SEMA7A: variants seen among roughly 807,000 people sequenced by gnomAD.
The protein encoded by SEMA7A is semaphorin-7A.
In SEMA7A, 21 loss-of-function variants were observed where a neutral mutation model predicts 67.5. The observed-to-expected ratio is 0.31, with a 90% CI of 0.22 to 0.45. The LOEUF (loss-of-function observed/expected upper bound fraction) is 0.45. Among genes scored for constraint, SEMA7A ranks in the 20% least tolerant of loss-of-function variants. The pLI is 1.00. For synonymous variants in SEMA7A, 364 were observed against 368.5 expected (o/e 0.99, Z 0.14); for missense variants, 774 against 908.6 (o/e 0.85, Z 1.90).
intron 10 of SEMA7A, among the ~76,000 whole-genome samples, chr15:74,412,444 G>C (rs902665585): frequency 6.6e-6 from 1 of 152,200 alleles, no homozygotes; most frequent in African/African-American, 2.4e-5. Context: ...TCACACAGCT[G>C]GTGAGCAGCA....
intron 1 of SEMA7A, 56 bp downstream of exon 1, chr15:74,433,683 GCA>G: frequency 8.8e-6 from 12 of 1,370,178 alleles, no homozygotes; most frequent in Non-Finnish European, 1.1e-5. Flanking sequence ...AGCACACTCC[GCA>G]CCCGCCCCGC....
chr15:74,421,978 C>T (rs1259507190), intron 1 of SEMA7A, among the ~76,000 whole-genome samples: 1 of 152,144 alleles, frequency 6.6e-6, no homozygotes, highest in Non-Finnish European at 1.5e-5. Flanking sequence ...GCTGGATGGG[C>T]CCTGAACAGG....
Position 74,433,827 on chromosome 15 carries a change from A to T in SEMA7A, c.92T>A (p.Leu31Gln). The T allele has an allele frequency of 7.3e-7, 1 of 1,362,570 alleles. No homozygotes were observed. Among genetic ancestry groups the T allele is most frequent in the Non-Finnish European group, 9.4e-7 (1 of 1,062,388 alleles). The allele number at this position is 1,362,570 out of a possible 1,614,324, so 84.4% of individuals were successfully genotyped here. Residue 31 changes from leucine to glutamine, a missense_variant, in exon 1 of 14, where the codon CTG (leucine) becomes CAG (glutamine). Coordinates refer to ENST00000261918, the MANE Select transcript of SEMA7A (RefSeq NM_003612.5). Reference sequence around the variant, plus strand: ...CGCCCAGAGCAGCAGCAGCAGCCGCAGCCGCAGCGGAAGCCCCAACCGAGC... The same window carrying T: ...CGCCCAGAGCAGCAGCAGCAGCCGCTGCCGCAGCGGAAGCCCCAACCGAGC... ...PPARLGLPLRLRLLLLLWAAA... is the reference protein window; with the variant it reads ...PPARLGLPLRQRLLLLLWAAA...
At chr15:74,417,773 C>T in intron 4 of SEMA7A, 98 bp from the exon 5 acceptor site, 1 of 1,545,878 alleles carries the variant, frequency 6.5e-7, no homozygotes, top group Non-Finnish European at 8.9e-7. Flanking sequence ...CCTCCCAGGG[C>T]AAGGCCAGCA....
intron 1 of SEMA7A, among the ~76,000 whole-genome samples, chr15:74,419,182 C>T (rs1456648496): frequency 2.6e-5 from 4 of 152,188 alleles, no homozygotes; most frequent in African/African-American, 9.7e-5. Context: ...ACAGCACGGC[C>T]CCTCCCCTAG....
At chr15:74,431,527 C>T (rs2061088202) in intron 1 of SEMA7A, among the ~76,000 whole-genome samples, 1 of 152,260 alleles carries the variant, frequency 6.6e-6, no homozygotes, top group Non-Finnish European at 1.5e-5. Context: ...ATCTATGCCT[C>T]ATAGAGAAAT....
At chr15:74,433,404 C>A (rs931491130) in intron 1 of SEMA7A, among the ~76,000 whole-genome samples, 2 of 151,988 alleles carry the variant, frequency 1.3e-5, no homozygotes, top group Non-Finnish European at 2.9e-5. Flanking sequence ...AGCCCCCGAG[C>A]CAGAGGACCC....
At position 74,411,152 on chromosome 15, in the gene SEMA7A, G is replaced by A; in HGVS notation, c.1639+143C>T. 2 of 1,325,900 alleles carry A rather than the reference G, an allele frequency of 1.5e-6. No individual in the cohort carries two copies. The highest frequency in any genetic ancestry group is 2.1e-6 in the Non-Finnish European group (2 of 975,552). 82.1% of individuals were successfully genotyped at this position (1,325,900 alleles called of 1,614,324 possible). A position where few individuals can be genotyped will look rare whatever the true frequency, so the allele number is the denominator to read the frequency against. On this transcript the variant is annotated intron_variant, in intron 13 of 13. Transcript: ENST00000261918. This position sits in a 1 kb window ranked among gnomAD's most constrained non-coding sequence, Gnocchi z 4.4. ...TCCCGTCTCGCTCATCCCACCAAGAGGGCTCCCTCTGCAGGACTGTATCCT... is the reference window on the plus strand; with the variant it reads ...TCCCGTCTCGCTCATCCCACCAAGAAGGCTCCCTCTGCAGGACTGTATCCT...
Position 74,415,804 on chromosome 15 carries a change from G to C in SEMA7A, c.983C>G (p.Pro328Arg). The change falls in exon 8 of 14, where the codon CCC (proline) becomes CGC (arginine). Residue 328 changes from proline (P) to arginine (R), a missense_variant. Around this residue, in one of 2 missense-constraint regions of SEMA7A, gnomAD observed 427 missense variants for 555.4 expected, o/e 0.77. Transcript: ENST00000261918. ...CCCCAGGACAAGGGCCACTCACCAG[G>C]GGTTGGAGAAAACACCATAGACCCT... ...DTRVYGVFSNPWNYSAVCVYS... is the reference protein window; with the variant it reads ...DTRVYGVFSNRWNYSAVCVYS... 1.9e-6 allele frequency: 3 copies of C among 1,612,394 alleles called. No homozygotes were observed. The highest frequency in any genetic ancestry group is 2.5e-6 in the Non-Finnish European group (3 of 1,179,226).
In SEMA7A at chr15:74,411,446, G is replaced by A. The variant is rs756423368; in HGVS notation, c.1578-90C>T. 10 of 1,552,710 alleles carry A rather than the reference G, an allele frequency of 6.4e-6. No homozygotes were observed. Among genetic ancestry groups the A allele is most frequent in the Non-Finnish European group, 7.9e-6 (9 of 1,145,192 alleles). ...TACCCCAGTGCAGTTCCAGCAGAGA[G>A]GAGGGTCCCACAAGAAAGGCCCAGT... On this transcript the variant is annotated intron_variant, in intron 12 of 13. Transcript: ENST00000261918. The surrounding 1 kb of genome is among the most constrained non-coding windows in gnomAD (Gnocchi z 4.4).
At chr15:74,421,061 C>T (rs2060996578) in intron 1 of SEMA7A, among the ~76,000 whole-genome samples, 1 of 152,230 alleles carries the variant, frequency 6.6e-6, no homozygotes. Flanking sequence ...AAAGAGGCAC[C>T]AGACAGGACT....
At chr15:74,432,857 G>C (rs2061101020) in intron 1 of SEMA7A, among the ~76,000 whole-genome samples, 2 of 152,054 alleles carry the variant, frequency 1.3e-5, no homozygotes, top group Admixed American at 1.3e-4. Flanking sequence ...CCTCGCGGCA[G>C]AAAGCCTCAA....
intron 1 of SEMA7A, among the ~76,000 whole-genome samples, chr15:74,424,414 G>A (rs2061025985): frequency 6.6e-6 from 1 of 152,178 alleles, no homozygotes; most frequent in African/African-American, 2.4e-5. Context: ...ACAGTTTTCT[G>A]GAAGTGGAGG....
Position 74,411,276 on chromosome 15 carries a change from G to A in SEMA7A, c.1639+19C>T. The A allele has an allele frequency of 1.9e-6, 3 of 1,612,110 alleles. No homozygotes were observed. The Middle Eastern group carries it at 5.0e-4, about 266-fold the overall frequency. On this transcript the variant is annotated intron_variant, in intron 13 of 13. Coordinates refer to ENST00000261918, the MANE Select transcript of SEMA7A (RefSeq NM_003612.5). This position sits in a 1 kb window ranked among gnomAD's most constrained non-coding sequence, Gnocchi z 4.4. Reference sequence around the variant, plus strand: ...CCCACTCATTGGGCCACAGCCGCCAGCAGGGCCAGATCAGGTACCTGGTTT... The same window carrying A: ...CCCACTCATTGGGCCACAGCCGCCAACAGGGCCAGATCAGGTACCTGGTTT...
At chr15:74,419,831 C>T (rs1292436903) in intron 1 of SEMA7A, among the ~76,000 whole-genome samples, 2 of 152,202 alleles carry the variant, frequency 1.3e-5, no homozygotes, top group Non-Finnish European at 2.9e-5. Flanking sequence ...AGCAGAAGGG[C>T]TGACCGGGAA....
chr15:74,431,949 G>C (rs975925507), intron 1 of SEMA7A, among the ~76,000 whole-genome samples: 1 of 152,254 alleles, frequency 6.6e-6, no homozygotes, highest in African/African-American at 2.4e-5. Flanking sequence ...CTGCGGGCGG[G>C]GGGGTAGGCC....
At chr15:74,425,240 G>A (rs1381434072) in intron 1 of SEMA7A, among the ~76,000 whole-genome samples, 1 of 152,178 alleles carries the variant, frequency 6.6e-6, no homozygotes, top group Non-Finnish European at 1.5e-5. Flanking sequence ...TTTACTACGT[G>A]CCAAACACTA....
intron 1 of SEMA7A, among the ~76,000 whole-genome samples, chr15:74,424,632 T>C (rs1386901230): frequency 6.6e-6 from 1 of 152,200 alleles, no homozygotes. Flanking sequence ...GGGGAGACTG[T>C]CTGGGGCAAA....
intron 1 of SEMA7A, chr15:74,433,523 G>A (rs1363266247): frequency 1.7e-6 from 2 of 1,196,616 alleles, no homozygotes; most frequent in African/African-American, 1.6e-5. Context: ...TCCGGCCCCC[G>A]CCGCTCGCTC....
Sources: gnomAD v4.1 joint callset for allele counts (sites outside exome capture counted in the v4.1 genomes callset) on GRCh38, gnomAD v4.1.1 for gene constraint, gnomAD v4.1.1 regional missense constraint, Gnocchi (gnomAD v3.1) non-coding constraint, MANE v1.5 for transcripts, NCBI Gene and HGNC (gene_info 2026-07-23, HGNC 2026-07-21) for gene names.